Variants in FNDC1 observed in about 807,000 individuals in gnomAD.
FNDC1 encodes the protein fibronectin type III domain containing 1.
A neutral mutation model predicts 168.0 loss-of-function variants in FNDC1; 96 were observed. The ratio of observed to expected loss-of-function variants is 0.57; its 90% CI spans 0.48 to 0.68. The LOEUF (loss-of-function observed/expected upper bound fraction) is 0.68, where lower values mean the gene tolerates loss of function less well. Among genes scored for constraint, FNDC1 ranks in the 30% least tolerant of loss-of-function variants. The pLI, the probability that FNDC1 is intolerant of heterozygous loss-of-function variation, is 0.00. For synonymous variants in FNDC1, 1,099 were observed against 1,025.9 expected, an observed-to-expected ratio of 1.07 and a Z score of -1.36; for missense variants, 2,587 against 2,482.1, an observed-to-expected ratio of 1.04 and a Z score of -0.90.
chr6:159,210,736 C>G (rs563544033), intron 4 of FNDC1, among the ~76,000 whole-genome samples: 13 of 152,260 alleles, frequency 8.5e-5, no homozygotes, highest in African/African-American at 2.9e-4. Flanking sequence ...CAGCACCGGG[C>G]CTGGGCATGA....
chr6:159,236,082 C>T, intron 11 of FNDC1, 133 bp from the exon 12 acceptor site: 1 of 598,796 alleles, frequency 1.7e-6, no homozygotes, highest in Non-Finnish European at 3.0e-6. Context: ...TATATTTGAG[C>T]TATTGGTTTA....
Position 159,233,809 on chromosome 6 carries a change from C to T in FNDC1, c.3297C>T (p.Arg1099=). 1 of 1,538,554 alleles carries T rather than the reference C, an allele frequency of 6.5e-7. No homozygotes were observed. Among genetic ancestry groups the T allele is most frequent in the Non-Finnish European group, 8.8e-7 (1 of 1,141,772 alleles). ...TGCGGGCCCCCGCGCACGCCGCGCG[C>T]GCCAAGGAGGCAGCTGCGTCCCTTC... ...QDVRAPAHAA[R]AKEAAASLPK... is the part of the protein sequence containing the mutation. The change falls in exon 11 of 23, where the codon CGC becomes CGT. Residue 1099 remains arginine (R), a synonymous_variant. Transcript: ENST00000297267. This position sits in a 1 kb window ranked among gnomAD's most constrained non-coding sequence, Gnocchi z 4.6.
rs1286939049 is a variant in FNDC1, at chr6:159,232,816, T to C, written c.2304T>C (p.Ser768=). 3 of 1,613,874 alleles carry C rather than the reference T, an allele frequency of 1.9e-6. No individual in the cohort carries two copies. Among genetic ancestry groups the C allele is most frequent in the Non-Finnish European group, 2.5e-6 (3 of 1,179,916 alleles). Reference sequence around the variant, plus strand: ...GGTCCACCATGTCCTCCTCCGTCTCTTCTCATCTCTCGTCCAGGACGCAGG... The same window carrying C: ...GGTCCACCATGTCCTCCTCCGTCTCCTCTCATCTCTCGTCCAGGACGCAGG... ...PSRSTMSSSV[S]SHLSSRTQVS... Residue 768 remains serine (S), a synonymous_variant, in exon 11 of 23, where the codon TCT becomes TCC. Coordinates refer to ENST00000297267, the MANE Select transcript of FNDC1 (RefSeq NM_032532.3). The surrounding 1 kb of genome is among the most constrained non-coding windows in gnomAD (Gnocchi z 4.9).
At chr6:159,260,273 A>G (rs976506754) in intron 18 of FNDC1, among the ~76,000 whole-genome samples, 7 of 152,228 alleles carry the variant, frequency 4.6e-5, no homozygotes, top group African/African-American at 1.7e-4. Flanking sequence ...AAAGATTAAG[A>G]TATAGTGGAA....
chr6:159,178,846 G>T (rs1184704204), intron 1 of FNDC1, among the ~76,000 whole-genome samples: 1 of 150,492 alleles, frequency 6.6e-6, no homozygotes. Flanking sequence ...CTGGATTTTT[G>T]CAGTGACCTC....
intron 5 of FNDC1, among the ~76,000 whole-genome samples, chr6:159,217,629 G>A (rs1337093897): frequency 2.6e-5 from 4 of 152,174 alleles, no homozygotes; most frequent in Non-Finnish European, 4.4e-5. Context: ...GAGCTCTGCT[G>A]CCTGGTGGGT....
chr6:159,208,539 C>T (rs149181103), intron 4 of FNDC1, among the ~76,000 whole-genome samples: 225 of 152,288 alleles, frequency 1.5e-3, no homozygotes, highest in African/African-American at 5.2e-3. Context: ...GGATGACCAC[C>T]GTCTTGGCAT....
Position 159,197,447 on chromosome 6 carries a change from G to A in FNDC1, c.126G>A (p.Lys42=), listed in dbSNP as rs373810708. ...TTTACATAGTTGACCACCCACTGAA[G>A]CCAAGGCATGTGAAACTGCTGTCCA... The part of the protein sequence containing the change: ...SAAASVDHPL[K]PRHVKLLSTK... The change falls in exon 2 of 23, where the codon AAG becomes AAA. Residue 42 remains lysine, a synonymous_variant. Transcript: ENST00000297267. 1.6e-4 allele frequency: 263 copies of A among 1,613,028 alleles called. No individual in the cohort carries two copies. The highest frequency in any genetic ancestry group is 2.1e-4 in the Non-Finnish European group (245 of 1,179,560).
At chr6:159,258,845 A>C (rs975948325) in intron 18 of FNDC1, among the ~76,000 whole-genome samples, 1 of 152,220 alleles carries the variant, frequency 6.6e-6, no homozygotes, top group Non-Finnish European at 1.5e-5. Flanking sequence ...CACTTTCGTC[A>C]TCTCAGTCTT....
At chr6:159,247,144 C>G (rs767498490) in intron 15 of FNDC1, among the ~76,000 whole-genome samples, 175 bp downstream of exon 15, 1 of 152,156 alleles carries the variant, frequency 6.6e-6, no homozygotes. Context: ...CCTTGTCACT[C>G]CCAAATGCAT....
intron 22 of FNDC1, among the ~76,000 whole-genome samples, chr6:159,269,613 A>G (rs866094392): frequency 4.2e-4 from 63 of 148,476 alleles, no homozygotes; most frequent in African/African-American, 1.4e-3. Flanking sequence ...CTATCTATCT[A>G]TCTATCTATC....
chr6:159,211,747 A>G (rs953765659), intron 4 of FNDC1, among the ~76,000 whole-genome samples: 1 of 152,152 alleles, frequency 6.6e-6, no homozygotes, highest in African/African-American at 2.4e-5. Flanking sequence ...CAGGTATGGC[A>G]CCGAACGCTT....
chr6:159,268,053 G>A, intron 22 of FNDC1, 127 bp downstream of exon 22: 3 of 968,814 alleles, frequency 3.1e-6, no homozygotes, highest in Non-Finnish European at 4.6e-6. Context: ...AGCACTTAAG[G>A]TCATAAAAAT....
chr6:159,219,367 G>A (rs373750345), intron 5 of FNDC1, among the ~76,000 whole-genome samples: 1 of 152,144 alleles, frequency 6.6e-6, no homozygotes, highest in East Asian at 1.9e-4. Flanking sequence ...TCAGTAATCA[G>A]GGGCACAGAA....
intron 1 of FNDC1, among the ~76,000 whole-genome samples, chr6:159,180,262 C>T (rs1028832513): frequency 6.6e-6 from 1 of 152,152 alleles, no homozygotes; most frequent in Non-Finnish European, 1.5e-5. Context: ...ATGGCATTCT[C>T]CCTGCGTCTT....
chr6:159,233,844 A>G lies in FNDC1; in HGVS notation c.3332A>G (p.Gln1111Arg). The change falls in exon 11 of 23, where the codon CAG (glutamine) becomes CGG (arginine). Residue 1111 changes from glutamine to arginine, a missense_variant. Physicochemically the swap from Gln to Arg is conservative, Grantham distance 43. Coordinates refer to ENST00000297267, the MANE Select transcript of FNDC1 (RefSeq NM_032532.3). This position sits in a 1 kb window ranked among gnomAD's most constrained non-coding sequence, Gnocchi z 4.6. ...GCAGCTGCGTCCCTTCCCAAGCACC[A>G]GCAGGTGGAGTCTCCCACAGGCGCA... ...KEAAASLPKHQQVESPTGAGA... is the reference protein window; with the variant it reads ...KEAAASLPKHRQVESPTGAGA... 1.3e-6 allele frequency: 2 copies of G among 1,544,758 alleles called. No homozygotes were observed. Among genetic ancestry groups the G allele is most frequent in the Non-Finnish European group, 1.7e-6 (2 of 1,144,290 alleles).
chr6:159,261,920 AG>A (rs1777493240), intron 19 of FNDC1, among the ~76,000 whole-genome samples: 1 of 150,090 alleles, frequency 6.7e-6, no homozygotes, highest in East Asian at 1.9e-4. Context: ...TGAGCAACAC[AG>A]GGAGGTCCTG....
chr6:159,213,648 T>A (rs1782650960), intron 4 of FNDC1, among the ~76,000 whole-genome samples: 1 of 151,964 alleles, frequency 6.6e-6, no homozygotes, highest in Non-Finnish European at 1.5e-5. Context: ...GACCAGTGTG[T>A]GTGTTCTCAG....
In FNDC1 at chr6:159,188,803, A is replaced by G. The variant is rs529678518; in HGVS notation, c.110-8628A>G. On this transcript the variant is annotated intron_variant, in intron 1 of 22. Coordinates refer to ENST00000297267, the MANE Select transcript of FNDC1 (RefSeq NM_032532.3). ...CACTCTGTCATCCAGGCTGGAGTGCAGTGGCAAAATCTCAGCTCACTGCAA... is the reference window on the plus strand; with the variant it reads ...CACTCTGTCATCCAGGCTGGAGTGCGGTGGCAAAATCTCAGCTCACTGCAA... Among the ~76,000 whole-genome samples, 4 of 145,848 alleles carry G rather than the reference A, an allele frequency of 2.7e-5. No individual in the cohort carries two copies. The South Asian group carries it at 8.7e-4, about 32-fold the overall frequency.
Sources: allele counts gnomAD v4.1 joint callset (sites outside exome capture counted in the v4.1 genomes callset), GRCh38; gene constraint gnomAD v4.1.1; non-coding constraint Gnocchi (gnomAD v3.1); transcripts MANE v1.5; gene names NCBI Gene and HGNC (gene_info 2026-07-23, HGNC 2026-07-21).